The following WDR37 variants were observed in gnomAD, a reference collection of about 807,000 sequenced individuals.
WDR37 encodes the protein WD repeat-containing protein 37.
Under a neutral mutation model 62.9 loss-of-function variants are expected in WDR37, and 19 were observed. The ratio of observed to expected loss-of-function variants is 0.30; its 90% CI spans 0.21 to 0.44. WDR37 has a LOEUF of 0.44. WDR37 is among the 20% of genes least tolerant of loss of function. WDR37 has a pLI of 1.00. For missense variants in WDR37, 474 were observed against 657.6 expected, an observed-to-expected ratio of 0.72 and a Z score of 3.05; for synonymous variants, 250 against 260.9, an observed-to-expected ratio of 0.96 and a Z score of 0.40.
At chr10:1,126,199 A>G (rs1835746163) in intron 13 of WDR37, among the ~76,000 whole-genome samples, 2 of 152,002 alleles carry the variant, frequency 1.3e-5, no homozygotes, top group South Asian at 4.2e-4. Flanking sequence ...AGGTCAGGAG[A>G]TCGAGACCAT....
In WDR37 at chr10:1,103,925, G is replaced by C; in HGVS notation, c.961+89G>C. The C allele has an allele frequency of 7.7e-7, 1 of 1,301,854 alleles. No individual in the cohort carries two copies. Among genetic ancestry groups the C allele is most frequent in the Non-Finnish European group, 1.1e-6 (1 of 931,086 alleles). The allele number at this position is 1,301,854 out of a possible 1,614,324, so 80.6% of individuals were successfully genotyped here. On this transcript the variant is annotated intron_variant, in intron 10 of 13. Transcript: ENST00000263150. This position sits in a 1 kb window ranked among gnomAD's most constrained non-coding sequence, Gnocchi z 6.3. ...TGTCTGACCTTGCCACTTACTTCTT[G>C]ACCAGAATGAGTCTCTGTGTTCTTG...
intron 11 of WDR37, among the ~76,000 whole-genome samples, chr10:1,109,717 A>AG (rs1235087759): frequency 6.6e-6 from 1 of 152,216 alleles, no homozygotes; most frequent in Non-Finnish European, 1.5e-5. Flanking sequence ...ACTCCGTCTC[A>AG]GAAAAAAAAA....
chr10:1,091,552 T>C (rs1282736384), intron 7 of WDR37, among the ~76,000 whole-genome samples: 1 of 152,266 alleles, frequency 6.6e-6, no homozygotes, highest in Admixed American at 6.5e-5. Context: ...AAATTTCCTA[T>C]ATGTTCTACG....
chr10:1,102,263 A>T (rs1341175618), intron 9 of WDR37, among the ~76,000 whole-genome samples: 2 of 140,054 alleles, frequency 1.4e-5, no homozygotes, highest in Non-Finnish European at 3.0e-5. Context: ...CGTCCCTGTG[A>T]CGTGCGTTCC....
At chr10:1,092,981 G>T (rs1448619232) in intron 7 of WDR37, among the ~76,000 whole-genome samples, 1 of 151,252 alleles carries the variant, frequency 6.6e-6, no homozygotes, top group Non-Finnish European at 1.5e-5. Flanking sequence ...TTCATTCTCT[G>T]AGGCTGGCAG....
At position 1,083,182 on chromosome 10, in the gene WDR37, C is replaced by T. The variant is rs149636987; in HGVS notation, c.397-1221C>T. Among the ~76,000 whole-genome samples the T allele has an allele frequency of 1.6e-3, 243 of 152,272 alleles. 1 individual carries two copies. The highest frequency in any genetic ancestry group is 2.7e-3 in the Non-Finnish European group (184 of 68,032). On this transcript the variant is annotated intron_variant, in intron 5 of 13. Coordinates refer to ENST00000263150, the MANE Select transcript of WDR37 (RefSeq NM_014023.4). Reference sequence around the variant, plus strand: ...AAAAGCATCTCCCATGTTGTGGAGGCATAATTTTCCTGGATTGAATAGGAT... The same window carrying T: ...AAAAGCATCTCCCATGTTGTGGAGGTATAATTTTCCTGGATTGAATAGGAT...
At chr10:1,114,143 G>A (rs146357117) in intron 11 of WDR37, among the ~76,000 whole-genome samples, 61 of 152,054 alleles carry the variant, frequency 4.0e-4, no homozygotes, top group African/African-American at 1.3e-3. Context: ...TTTTAGTAGA[G>A]ACAGGGTTTC....
At chr10:1,104,008 T>G (rs965575434) in intron 10 of WDR37, among the ~76,000 whole-genome samples, 172 bp downstream of exon 10, 13 of 152,264 alleles carry the variant, frequency 8.5e-5, no homozygotes, top group Non-Finnish European at 1.6e-4. Flanking sequence ...TATTGGTAGC[T>G]AAATTTATTT....
At chr10:1,113,024 T>C (rs1035922186) in intron 11 of WDR37, among the ~76,000 whole-genome samples, 2 of 152,242 alleles carry the variant, frequency 1.3e-5, no homozygotes, top group Non-Finnish European at 2.9e-5. Flanking sequence ...TTAAAGAAGA[T>C]GCCACGTAGA....
In WDR37 at chr10:1,057,683, A is replaced by G. The variant is rs530395567; in HGVS notation, c.-41+715A>G. 6.4e-4 allele frequency among the ~76,000 whole-genome samples: 97 copies of G among 152,224 alleles called. 1 individual carries two copies. The highest frequency in any genetic ancestry group is 2.6e-4 in the Non-Finnish European group (18 of 68,034). ...GTACTCATTTACTAAACCAAGTTGA[A>G]TAAATACATTTTTCCAGGTTGTGAG... is the stretch of plus-strand genomic sequence containing the variant. On this transcript the variant is annotated intron_variant, in intron 1 of 13. Coordinates refer to ENST00000263150, the MANE Select transcript of WDR37 (RefSeq NM_014023.4).
chr10:1,080,263 G>C, intron 4 of WDR37, 149 bp from the exon 5 acceptor site: 2 of 1,256,054 alleles, frequency 1.6e-6, no homozygotes, highest in Non-Finnish European at 2.2e-6. Context: ...CTCGGTTCTT[G>C]TTCCTGTTCT....
intron 2 of WDR37, among the ~76,000 whole-genome samples, chr10:1,075,273 CTTT>C (rs61550443): frequency 3.6e-5 from 5 of 139,282 alleles, no homozygotes; most frequent in African/African-American, 1.3e-4. Flanking sequence ...ATAGCAATTC[CTTT>C]TTTTTTTTTT....
chr10:1,080,932 T>C (rs1219968053), intron 5 of WDR37, among the ~76,000 whole-genome samples: 14 of 152,056 alleles, frequency 9.2e-5, no homozygotes, highest in Non-Finnish European at 2.1e-4. Context: ...AATGTCACTA[T>C]GCAGGCATTT....
At chr10:1,071,350 A>G (rs1004993024) in intron 1 of WDR37, among the ~76,000 whole-genome samples, 1 of 152,200 alleles carries the variant, frequency 6.6e-6, no homozygotes, top group Non-Finnish European at 1.5e-5. Context: ...ATCAGCAGGT[A>G]ATGTTCAAAA....
intron 7 of WDR37, among the ~76,000 whole-genome samples, chr10:1,092,142 T>C (rs1834412355): frequency 1.5e-5 from 2 of 134,498 alleles, no homozygotes; most frequent in Admixed American, 1.7e-4. Context: ...ATCGCGCCAC[T>C]GCACTCCAAC....
At chr10:1,109,331 A>T (rs1411446709) in intron 11 of WDR37, among the ~76,000 whole-genome samples, 5 of 152,352 alleles carry the variant, frequency 3.3e-5, no homozygotes, top group African/African-American at 9.6e-5. Flanking sequence ...TTATATCACC[A>T]GAGTTGATTG....
At chr10:1,113,303 CT>C (rs938414036) in intron 11 of WDR37, among the ~76,000 whole-genome samples, 4 of 152,058 alleles carry the variant, frequency 2.6e-5, no homozygotes, top group East Asian at 3.9e-4. Context: ...CAGGAAAAAA[CT>C]TTTTTTTCAA....
At chr10:1,063,518 A>T (rs941382057) in intron 1 of WDR37, among the ~76,000 whole-genome samples, 1 of 152,140 alleles carries the variant, frequency 6.6e-6, no homozygotes, top group Non-Finnish European at 1.5e-5. Flanking sequence ...CCCACTCATG[A>T]CAAGCTGGGA....
Position 1,059,753 on chromosome 10 carries a change from C to T in WDR37, c.-41+2785C>T, listed in dbSNP as rs188798573. On this transcript the variant is annotated intron_variant, in intron 1 of 13. Transcript: ENST00000263150. ...TGGAGGTTGCAGTGGGTCGAGATCG[C>T]GCCACTGCACTCCAACCTGGGCGAC... is the stretch of plus-strand genomic sequence containing the variant. Among the ~76,000 whole-genome samples, 97 of 152,132 alleles carry T rather than the reference C, an allele frequency of 6.4e-4. 1 individual carries two copies. The highest frequency in any genetic ancestry group is 2.2e-3 in the African/African-American group (90 of 41,482).
Sources: gnomAD v4.1 joint callset for allele counts (sites outside exome capture counted in the v4.1 genomes callset) on GRCh38, gnomAD v4.1.1 for gene constraint, Gnocchi (gnomAD v3.1) non-coding constraint, MANE v1.5 for transcripts, NCBI Gene and HGNC (gene_info 2026-07-23, HGNC 2026-07-21) for gene names.